Variants in CACNA1D observed in about 807,000 individuals in gnomAD.
CACNA1D encodes the protein calcium voltage-gated channel subunit alpha1 D.
A neutral mutation model predicts 257.1 loss-of-function variants in CACNA1D; 55 were observed. The observed-to-expected ratio is 0.21, with a 90% confidence interval of 0.17 to 0.27. The LOEUF is 0.27. Ranked by LOEUF, CACNA1D falls within the 10% of genes least tolerant of loss-of-function variation. The pLI, the probability that CACNA1D is intolerant of heterozygous loss-of-function variation, is 1.00. For missense variants in CACNA1D, 1,876 were observed against 2,784.0 expected (o/e 0.67, Z 7.34); for synonymous variants, 980 against 1,014.9 (o/e 0.97, Z 0.65).
rs377022547 is a variant in CACNA1D, at chr3:53,802,079, T to C, written c.5409-68T>C. On this transcript the variant is annotated intron_variant, in intron 42 of 47. Transcript: ENST00000350061. ...TCTAGGAGGTAGCCTGATGTTTGCA[T>C]TGTAAATTTGGTTGGAAATTAACTT... 3.1e-5 allele frequency: 41 copies of C among 1,343,702 alleles called. 1 individual carries two copies. The South Asian group carries it at 4.0e-4, about 13-fold the overall frequency. The allele number at this position is 1,343,702 out of a possible 1,614,324, so 83.2% of individuals were successfully genotyped here. A position where few individuals can be genotyped will look rare whatever the true frequency, so the allele number is the denominator to read the frequency against.
At chr3:53,733,244 G>A (rs1347619343) in intron 19 of CACNA1D, among the ~76,000 whole-genome samples, 1 of 152,218 alleles carries the variant, frequency 6.6e-6, no homozygotes, top group Non-Finnish European at 1.5e-5. Flanking sequence ...ACCCCTGCAT[G>A]GGGACAGCAA....
At chr3:53,702,888 C>G in intron 9 of CACNA1D, 78 bp downstream of exon 9, 1 of 1,507,908 alleles carries the variant, frequency 6.6e-7, no homozygotes, top group Admixed American at 1.8e-5. Flanking sequence ...CCTTCCTCGA[C>G]TCTGACCCAG....
At chr3:53,736,721 A>G (rs986988150) in intron 20 of CACNA1D, among the ~76,000 whole-genome samples, 7 of 152,000 alleles carry the variant, frequency 4.6e-5, no homozygotes, top group African/African-American at 1.2e-4. Context: ...GTGAGACCCC[A>G]TCTATATAAA....
intron 3 of CACNA1D, among the ~76,000 whole-genome samples, chr3:53,612,758 T>C (rs964593209): frequency 1.3e-5 from 2 of 152,184 alleles, no homozygotes; most frequent in African/African-American, 4.8e-5. Context: ...CGTTTCAGAA[T>C]GAACCTCCAG....
intron 45 of CACNA1D, 113 bp from the exon 46 acceptor site, chr3:53,808,536 G>A (rs540055615): frequency 4.1e-5 from 53 of 1,286,426 alleles, no homozygotes; most frequent in South Asian, 8.3e-5. Flanking sequence ...TGGACAAACC[G>A]CATGCTTCTT....
intron 3 of CACNA1D, among the ~76,000 whole-genome samples, chr3:53,585,626 C>T (rs888526276): frequency 6.6e-6 from 1 of 151,980 alleles, no homozygotes; most frequent in Non-Finnish European, 1.5e-5. Context: ...AGACCTTGTC[C>T]TTGTCTGGGG....
At chr3:53,677,737 GT>G (rs1293751220) in intron 8 of CACNA1D, among the ~76,000 whole-genome samples, 1 of 152,148 alleles carries the variant, frequency 6.6e-6, no homozygotes, top group East Asian at 1.9e-4. Context: ...ATTTGACAAT[GT>G]TTTTTTGCAC....
intron 29 of CACNA1D, among the ~76,000 whole-genome samples, chr3:53,754,399 T>C (rs2095248933): frequency 6.6e-6 from 1 of 152,242 alleles, no homozygotes; most frequent in Non-Finnish European, 1.5e-5. Flanking sequence ...AAATCTCTAC[T>C]CTGGCACTTA....
At position 53,798,328 on chromosome 3, in the gene CACNA1D, CGT is replaced by C. The variant is rs952988435; in HGVS notation, c.4924-1913_4924-1912del. 6.8e-5 allele frequency among the ~76,000 whole-genome samples: 8 copies of C among 118,292 alleles called. No homozygotes were observed. In the East Asian group the frequency reaches 1.0e-3, roughly 15 times the overall value. 77.6% of individuals were successfully genotyped at this position (118,292 alleles called of 152,430 possible). On this transcript the variant is annotated intron_variant, in intron 40 of 47. Coordinates refer to ENST00000350061, the MANE Select transcript of CACNA1D (RefSeq NM_001128840.3). ...GTGTGCGTGTGTGTGTGTGTGTGTG[CGT>C]GTGTGTGCGTGTGTGTGTGCACGTG...
Position 53,767,146 on chromosome 3 carries a change from C to G in CACNA1D, c.3871-2827C>G, listed in dbSNP as rs115860405. ...AGTGACCCCACTCTGTATGGCCGCTCGAGATCTAAAGGGCATTAGCTGGTA... is the reference window on the plus strand; with the variant it reads ...AGTGACCCCACTCTGTATGGCCGCTGGAGATCTAAAGGGCATTAGCTGGTA... On this transcript the variant is annotated intron_variant, in intron 30 of 47. Coordinates refer to ENST00000350061, the MANE Select transcript of CACNA1D (RefSeq NM_001128840.3). Among the ~76,000 whole-genome samples, 774 of 152,262 alleles carry G rather than the reference C, an allele frequency of 5.1e-3. 12 individuals are homozygous for G. The highest frequency in any genetic ancestry group is 0.018 in the African/African-American group (739 of 41,538).
At chr3:53,656,650 T>G (rs7633188) in intron 4 of CACNA1D, among the ~76,000 whole-genome samples, 3,195 of 152,242 alleles carry the variant, frequency 0.021, 106 homozygotes, top group African/African-American at 0.072. Flanking sequence ...GCACAGATTG[T>G]GAAAAATATT....
intron 3 of CACNA1D, among the ~76,000 whole-genome samples, chr3:53,610,789 A>G (rs935066174): frequency 6.6e-6 from 1 of 152,004 alleles, no homozygotes; most frequent in African/African-American, 2.4e-5. Context: ...AGCTATATCT[A>G]TTTTATATGT....
chr3:53,723,636 C>T lies in CACNA1D; in HGVS notation c.1869C>T (p.Leu623=), dbSNP rs1421116906. ...TCTCTGTGTTTCGGTGTGTGCGCCT[C>T]TTAAGAATCTTCAAAGTGACCAGGT... ...LGISVFRCVR[L]LRIFKVTRHW... The change falls in exon 13 of 48, where the codon CTC becomes CTT. Residue 623 remains leucine, a synonymous_variant. Transcript: ENST00000350061. The surrounding 1 kb of genome is among the most constrained non-coding windows in gnomAD (Gnocchi z 5.6). 1 of 1,614,044 alleles carries T rather than the reference C, an allele frequency of 6.2e-7. No individual in the cohort carries two copies. The highest frequency in any genetic ancestry group is 1.1e-5 in the South Asian group (1 of 91,064).
At chr3:53,606,424 T>C (rs2093511638) in intron 3 of CACNA1D, among the ~76,000 whole-genome samples, 1 of 152,272 alleles carries the variant, frequency 6.6e-6, no homozygotes, top group African/African-American at 2.4e-5. Flanking sequence ...CCTTCAATTA[T>C]GGTGAACTAC....
intron 3 of CACNA1D, among the ~76,000 whole-genome samples, chr3:53,609,452 A>G (rs1332180985): frequency 6.6e-6 from 1 of 150,854 alleles, no homozygotes; most frequent in African/African-American, 2.4e-5. Flanking sequence ...TATTAAATAG[A>G]TATAGGACTA....
intron 32 of CACNA1D, among the ~76,000 whole-genome samples, chr3:53,771,550 G>A (rs3821866): frequency 6.6e-6 from 1 of 152,160 alleles, no homozygotes; most frequent in South Asian, 2.1e-4. Context: ...GGGAGAATGA[G>A]GTTGGAGGAA....
At chr3:53,718,601 C>CCCCCCCCCCCAA in intron 10 of CACNA1D, 2 of 1,103,192 alleles carry the variant, frequency 1.8e-6, no homozygotes, top group Non-Finnish European at 2.7e-6. Context: ...CCCCCCGGCC[C>CCCCCCCCCCCAA]AGCATTTCAC....
At chr3:53,772,252 T>C (rs1331356975) in intron 32 of CACNA1D, among the ~76,000 whole-genome samples, 2 of 152,168 alleles carry the variant, frequency 1.3e-5, no homozygotes, top group African/African-American at 2.4e-5. Context: ...TCAGAAGGTG[T>C]ACATCTTAAG....
chr3:53,611,745 TA>T (rs2093585248), intron 3 of CACNA1D, among the ~76,000 whole-genome samples: 1 of 152,246 alleles, frequency 6.6e-6, no homozygotes, highest in South Asian at 2.1e-4. Flanking sequence ...CCATGTTCAT[TA>T]ATCTTTTCTT....
Sources: allele counts gnomAD v4.1 joint callset (sites outside exome capture counted in the v4.1 genomes callset), GRCh38; gene constraint gnomAD v4.1.1; non-coding constraint Gnocchi (gnomAD v3.1); transcripts MANE v1.5; gene names NCBI Gene and HGNC (gene_info 2026-07-23, HGNC 2026-07-21).